SH3GL2: variants seen among roughly 807,000 people sequenced by gnomAD.
SH3GL2 encodes the protein SH3 domain containing GRB2 like 2, endophilin A1, also known as endophilin-A1.
A neutral mutation model predicts 46.0 loss-of-function variants in SH3GL2; 24 were observed. The observed-to-expected ratio is 0.52, with a 90% CI of 0.38 to 0.73. The LOEUF (loss-of-function observed/expected upper bound fraction) is 0.73, where lower values mean the gene tolerates loss of function less well. Among genes scored for constraint, SH3GL2 ranks in the 30% least tolerant of loss-of-function variants. SH3GL2 has a pLI of 0.00. For synonymous variants in SH3GL2, 196 were observed against 147.1 expected (o/e 1.33, Z -2.40); for missense variants, 413 against 424.2 (o/e 0.97, Z 0.23).
Position 17,657,522 on chromosome 9 carries a change from C to T in SH3GL2, c.45+78235C>T, listed in dbSNP as rs117231553. On this transcript the variant is annotated intron_variant, in intron 1 of 8. Transcript: ENST00000380607. ...ATTATTCCTTTAAGCAAGTCATTTA[C>T]GTTTCTAAGTCTGTTTCCTCTCTGT... Among the ~76,000 whole-genome samples, 190 of 152,266 alleles carry T rather than the reference C, an allele frequency of 1.2e-3. 6 individuals are homozygous for T. In the East Asian group the frequency reaches 0.027, roughly 22 times the overall value.
At chr9:17,661,236 A>G (rs1026416162) in intron 1 of SH3GL2, among the ~76,000 whole-genome samples, 2 of 152,206 alleles carry the variant, frequency 1.3e-5, no homozygotes, top group Non-Finnish European at 2.9e-5. Flanking sequence ...AAAACTGAAG[A>G]ATTTAATCTT....
At chr9:17,633,466 G>GT (rs751939658) in intron 1 of SH3GL2, among the ~76,000 whole-genome samples, 31 of 152,320 alleles carry the variant, frequency 2.0e-4, no homozygotes, top group South Asian at 8.3e-4. Context: ...TACTGCACAA[G>GT]TGTCCTAAAT....
chr9:17,744,166 A>C (rs1822614512), intron 1 of SH3GL2, among the ~76,000 whole-genome samples: 1 of 152,056 alleles, frequency 6.6e-6, no homozygotes, highest in African/African-American at 2.4e-5. Flanking sequence ...ATGGTAAACC[A>C]TGTACTTGAA....
At chr9:17,721,998 A>G (rs933101930) in intron 1 of SH3GL2, among the ~76,000 whole-genome samples, 4 of 152,164 alleles carry the variant, frequency 2.6e-5, no homozygotes, top group African/African-American at 9.6e-5. Flanking sequence ...GGTGCCTGAG[A>G]CACATGTATG....
chr9:17,787,445 A>G lies in SH3GL2; in HGVS notation c.397A>G (p.Ile133Val), dbSNP rs367593553. Residue 133 changes from isoleucine (I) to valine (V), a missense_variant, in exon 5 of 9, where the codon ATA (isoleucine) becomes GTA (valine). Physicochemically the swap from Ile to Val is conservative, Grantham distance 29. This residue lies in a region of SH3GL2 where 160 missense variants were observed against 192.3 expected (regional missense o/e 0.83). Coordinates refer to ENST00000380607, the MANE Select transcript of SH3GL2 (RefSeq NM_003026.5). Reference protein sequence around the residue: ...ELSEVKDSLDIEVKQNFIDPL... With the variant: ...ELSEVKDSLDVEVKQNFIDPL... Reference sequence around the variant, plus strand: ...GTCGGAGGTCAAAGACTCTTTGGACATAGAAGTGAAGCAGAACTTCATTGA... The same window carrying G: ...GTCGGAGGTCAAAGACTCTTTGGACGTAGAAGTGAAGCAGAACTTCATTGA... 3 of 1,612,890 alleles carry G rather than the reference A, an allele frequency of 1.9e-6. No homozygotes were observed. Among genetic ancestry groups the G allele is most frequent in the East Asian group, 2.2e-5 (1 of 44,858 alleles).
chr9:17,741,424 T>C (rs1419976831), intron 1 of SH3GL2, among the ~76,000 whole-genome samples: 1 of 152,162 alleles, frequency 6.6e-6, no homozygotes, highest in Non-Finnish European at 1.5e-5. Context: ...AGTTGTATAG[T>C]GGATGAATGC....
rs1290264855 is a variant in SH3GL2, at chr9:17,796,360, C to G, written c.*617C>G. 1 of 152,578 alleles carries G rather than the reference C, an allele frequency of 6.6e-6. No individual in the cohort carries two copies. Among genetic ancestry groups the G allele is most frequent in the Non-Finnish European group, 1.5e-5 (1 of 68,040 alleles). The allele number at this position is 152,578 out of a possible 1,614,324, so 9.5% of individuals were successfully genotyped here. A position where few individuals can be genotyped will look rare whatever the true frequency, so the allele number is the denominator to read the frequency against. On this transcript the variant is annotated 3_prime_UTR_variant, in exon 9 of 9. Transcript: ENST00000380607. ...TCTGACGTATAGCCAGTTTTCTTCCCTCCTTGCTATTAAAGCCAGAGCGGT... is the reference window on the plus strand; with the variant it reads ...TCTGACGTATAGCCAGTTTTCTTCCGTCCTTGCTATTAAAGCCAGAGCGGT...
chr9:17,669,054 T>C (rs893613190), intron 1 of SH3GL2, among the ~76,000 whole-genome samples: 15 of 152,232 alleles, frequency 9.9e-5, no homozygotes, highest in African/African-American at 3.4e-4. Flanking sequence ...ATTTTTGGAC[T>C]TCAAAGTCCG....
chr9:17,645,150 G>GC (rs2134652251), intron 1 of SH3GL2, among the ~76,000 whole-genome samples: 2 of 84,022 alleles, frequency 2.4e-5, no homozygotes, highest in Admixed American at 1.7e-4. Flanking sequence ...TGCAAACGCT[G>GC]CTTTTTTTTT....
chr9:17,619,919 A>G (rs1231654996), intron 1 of SH3GL2, among the ~76,000 whole-genome samples: 3 of 152,150 alleles, frequency 2.0e-5, no homozygotes, highest in African/African-American at 4.8e-5. Context: ...ATTCATTGTC[A>G]TCAGCCTGGA....
intron 1 of SH3GL2, among the ~76,000 whole-genome samples, chr9:17,595,157 G>C (rs1818547661): frequency 6.6e-6 from 1 of 152,152 alleles, no homozygotes; most frequent in Non-Finnish European, 1.5e-5. Flanking sequence ...AGTCAGGATT[G>C]AAACCACACC....
At chr9:17,786,334 A>G in intron 3 of SH3GL2, 47 bp from the exon 4 acceptor site, 2 of 1,565,062 alleles carry the variant, frequency 1.3e-6, no homozygotes, top group South Asian at 1.2e-5. Context: ...CTATTTCCGC[A>G]GTGTCACATT....
chr9:17,641,940 C>T (rs933698055), intron 1 of SH3GL2, among the ~76,000 whole-genome samples: 1 of 152,072 alleles, frequency 6.6e-6, no homozygotes, highest in African/African-American at 2.4e-5. Flanking sequence ...TTTTATAATC[C>T]TTTGGGTATA....
chr9:17,619,812 C>G lies in SH3GL2; in HGVS notation c.45+40525C>G, dbSNP rs143356764. 6.5e-3 allele frequency among the ~76,000 whole-genome samples: 983 copies of G among 152,218 alleles called. 11 individuals carry two copies. Among genetic ancestry groups the G allele is most frequent in the African/African-American group, 0.022 (920 of 41,512 alleles). ...GACACATTTATGTATAAATACTTAT[C>G]CATATCTGATTATTTCTTTAGAGAA... is the stretch of plus-strand genomic sequence containing the variant. On this transcript the variant is annotated intron_variant, in intron 1 of 8. Coordinates refer to ENST00000380607, the MANE Select transcript of SH3GL2 (RefSeq NM_003026.5).
At chr9:17,591,692 A>C (rs1415070357) in intron 1 of SH3GL2, among the ~76,000 whole-genome samples, 2 of 152,186 alleles carry the variant, frequency 1.3e-5, no homozygotes, top group Non-Finnish European at 2.9e-5. Context: ...TCGGGTCTCA[A>C]AGTTCATCAG....
At chr9:17,655,577 T>C (rs1466283178) in intron 1 of SH3GL2, among the ~76,000 whole-genome samples, 1 of 152,220 alleles carries the variant, frequency 6.6e-6, no homozygotes, top group African/African-American at 2.4e-5. Context: ...TTGCATCTTA[T>C]CAATAAGCAT....
intron 1 of SH3GL2, among the ~76,000 whole-genome samples, chr9:17,608,416 C>G (rs377681695): frequency 6.6e-6 from 1 of 152,118 alleles, no homozygotes; most frequent in Non-Finnish European, 1.5e-5. Context: ...AAAGTGTAAA[C>G]TTTCCTCTTA....
At chr9:17,674,718 AC>A (rs1820565808) in intron 1 of SH3GL2, among the ~76,000 whole-genome samples, 1 of 151,930 alleles carries the variant, frequency 6.6e-6, no homozygotes, top group African/African-American at 2.4e-5. Context: ...GTCTAGAATG[AC>A]CTTACTCACA....
intron 2 of SH3GL2, among the ~76,000 whole-genome samples, chr9:17,757,865 T>C (rs1262206962): frequency 1.3e-5 from 2 of 152,160 alleles, no homozygotes; most frequent in African/African-American, 2.4e-5. Flanking sequence ...GGTATATAAA[T>C]AACTCTTCTG....
Sources: allele counts gnomAD v4.1 joint callset (sites outside exome capture counted in the v4.1 genomes callset), GRCh38; gene constraint gnomAD v4.1.1; regional missense constraint gnomAD v4.1.1; transcripts MANE v1.5; gene names NCBI Gene and HGNC (gene_info 2026-07-23, HGNC 2026-07-21).